BLM: variants seen among roughly 807,000 people sequenced by gnomAD.
The protein encoded by BLM is BLM RecQ like helicase.
A neutral mutation model predicts 135.3 loss-of-function variants in BLM; 95 were observed. The ratio of observed to expected loss-of-function variants is 0.70; its 90% CI spans 0.59 to 0.83. BLM has a LOEUF of 0.83. Among genes scored for constraint, BLM ranks in the 40% least tolerant of loss-of-function variants. BLM has a pLI of 0.00. For synonymous variants in BLM, 520 were observed against 589.2 expected, an observed-to-expected ratio of 0.88 and a Z score of 1.70; for missense variants, 1,518 against 1,663.9, an observed-to-expected ratio of 0.91 and a Z score of 1.53.
intron 3 of BLM, 118 bp downstream of exon 3, chr15:90,750,185 A>G: frequency 8.9e-7 from 1 of 1,129,674 alleles, no homozygotes; most frequent in East Asian, 2.6e-5. Flanking sequence ...TAGGGTCTTT[A>G]GTGGTGCTTT....
intron 1 of BLM, among the ~76,000 whole-genome samples, chr15:90,735,233 G>GT (rs1895178216): frequency 8.8e-5 from 6 of 68,172 alleles, no homozygotes; most frequent in African/African-American, 2.6e-4. Context: ...AAGTGCCTAA[G>GT]TTAATATATA....
rs868525695 is a variant in BLM at position 90,734,677 on chromosome 15, A to G, written c.-4-12712A>G. Among the ~76,000 whole-genome samples the G allele has an allele frequency of 1.5e-4, 19 of 124,146 alleles. No individual in the cohort carries two copies. The East Asian group carries it at 2.6e-3, about 17-fold the overall frequency. The allele number at this position is 124,146 out of a possible 152,430, so 81.4% of individuals were successfully genotyped here. A position where few individuals can be genotyped will look rare whatever the true frequency, so the allele number is the denominator to read the frequency against. On this transcript the variant is annotated intron_variant, in intron 1 of 21. Transcript: ENST00000355112. Reference sequence around the variant, plus strand: ...TACACACACACGCGCGCACGCACGCACACACACACACACACACGCAGAGAG... The same window carrying G: ...TACACACACACGCGCGCACGCACGCGCACACACACACACACACGCAGAGAG...
chr15:90,729,602 T>G lies in BLM; in HGVS notation c.-5+12162T>G, dbSNP rs77158317. Among the ~76,000 whole-genome samples, 865 of 152,314 alleles carry G rather than the reference T, an allele frequency of 5.7e-3. 10 individuals carry two copies. The highest frequency in any genetic ancestry group is 0.041 in the East Asian group (214 of 5,180). ...CTGTCATCTTATTTCCTCTTCCACTTAAAAAGACACTTGTGATTGCATTGG... is the reference window on the plus strand; with the variant it reads ...CTGTCATCTTATTTCCTCTTCCACTGAAAAAGACACTTGTGATTGCATTGG... On this transcript the variant is annotated intron_variant, in intron 1 of 21. Transcript: ENST00000355112.
intron 1 of BLM, among the ~76,000 whole-genome samples, chr15:90,731,114 A>G (rs971974936): frequency 6.6e-6 from 1 of 151,910 alleles, no homozygotes; most frequent in African/African-American, 2.4e-5. Flanking sequence ...TAATTTTTAT[A>G]AATTTTTGTG....
intron 19 of BLM, among the ~76,000 whole-genome samples, chr15:90,806,383 C>T (rs1303340648): frequency 1.3e-5 from 2 of 151,948 alleles, no homozygotes; most frequent in Admixed American, 6.6e-5. Context: ...TGGTGGCGGG[C>T]GCTTGTAATC....
chr15:90,809,048 A>G (rs2151198194), intron 19 of BLM, 89 bp from the exon 20 acceptor site: 1 of 1,565,940 alleles, frequency 6.4e-7, no homozygotes, highest in South Asian at 1.1e-5. Context: ...GGCACTTAGC[A>G]GACGTGTGCT....
intron 1 of BLM, among the ~76,000 whole-genome samples, chr15:90,739,519 C>T (rs140672184): frequency 1.3e-3 from 192 of 152,238 alleles, no homozygotes; most frequent in South Asian, 8.5e-3. Flanking sequence ...GAGGCTGCAG[C>T]GAGCTCTGCA....
chr15:90,803,785 A>G (rs917596686), intron 18 of BLM, 65 bp downstream of exon 18: 2 of 1,481,070 alleles, frequency 1.4e-6, no homozygotes, highest in South Asian at 1.1e-5. Context: ...ATTATTGTGA[A>G]GTATAGTGTC....
chr15:90,783,037 C>T, intron 13 of BLM, 109 bp downstream of exon 13: 1 of 841,124 alleles, frequency 1.2e-6, no homozygotes, highest in Non-Finnish European at 2.0e-6. Context: ...ATTATGACAG[C>T]ACTAACTTGC....
intron 1 of BLM, among the ~76,000 whole-genome samples, chr15:90,724,992 T>G (rs1330997357): frequency 1.3e-5 from 2 of 152,146 alleles, no homozygotes; most frequent in Non-Finnish European, 2.9e-5. Context: ...CACTGCAACC[T>G]CTACCAGCTG....
intron 3 of BLM, among the ~76,000 whole-genome samples, chr15:90,750,994 T>C (rs901871783): frequency 2.6e-5 from 4 of 152,254 alleles, no homozygotes; most frequent in Non-Finnish European, 5.9e-5. Flanking sequence ...TAAGCCTTTC[T>C]ACTGTAATTC....
chr15:90,790,421 A>G (rs1446374565), intron 14 of BLM: 2 of 552,098 alleles, frequency 3.6e-6, no homozygotes, highest in Non-Finnish European at 6.5e-6. Flanking sequence ...AGTGCCTGCC[A>G]TGCTGAGCTT....
intron 5 of BLM, among the ~76,000 whole-genome samples, chr15:90,755,998 T>G (rs1028623976): frequency 6.6e-6 from 1 of 152,188 alleles, no homozygotes; most frequent in Non-Finnish European, 1.5e-5. Context: ...CAATTTATTT[T>G]AGAGATATTC....
intron 1 of BLM, among the ~76,000 whole-genome samples, chr15:90,722,947 T>C (rs1567220812): frequency 6.6e-6 from 1 of 152,096 alleles, no homozygotes; most frequent in Non-Finnish European, 1.5e-5. Flanking sequence ...TTCAAGCAAT[T>C]CTCCTGCCTC....
intron 14 of BLM, among the ~76,000 whole-genome samples, chr15:90,787,326 T>C (rs989836794): frequency 1.3e-5 from 2 of 151,894 alleles, no homozygotes; most frequent in African/African-American, 4.8e-5. Flanking sequence ...ATGCTGGGAT[T>C]ACAGGCGTGA....
chr15:90,734,154 C>G (rs1036088800), intron 1 of BLM, among the ~76,000 whole-genome samples: 1 of 151,978 alleles, frequency 6.6e-6, no homozygotes, highest in Non-Finnish European at 1.5e-5. Context: ...TTAGAATCAT[C>G]AATGTAATTC....
rs751600686 is a variant in BLM at position 90,760,854 on chromosome 15, C to A, written c.1481C>A (p.Thr494Asn). 5 of 1,613,922 alleles carry A rather than the reference C, an allele frequency of 3.1e-6. No homozygotes were observed. In the South Asian group the frequency reaches 5.5e-5, roughly 18 times the overall value. ...CTTTTTGAAAGGCCTTTATTCAATACCCATTTACAGAAGTCCTTTGTAAGT... is the reference window on the plus strand; with the variant it reads ...CTTTTTGAAAGGCCTTTATTCAATAACCATTTACAGAAGTCCTTTGTAAGT... ...KNLFERPLFNTHLQKSFVSSN... is the reference protein window; with the variant it reads ...KNLFERPLFNNHLQKSFVSSN... Residue 494 changes from threonine (T) to asparagine (N), a missense_variant, in exon 7 of 22, where the codon ACC (threonine) becomes AAC (asparagine). Coordinates refer to ENST00000355112, the MANE Select transcript of BLM (RefSeq NM_000057.4).
chr15:90,799,317 A>G (rs1897109816), intron 17 of BLM, among the ~76,000 whole-genome samples: 1 of 152,130 alleles, frequency 6.6e-6, no homozygotes, highest in Non-Finnish European at 1.5e-5. Flanking sequence ...AAATACTTAA[A>G]TAATAATTGA....
intron 17 of BLM, among the ~76,000 whole-genome samples, chr15:90,801,995 G>T (rs1160106397): frequency 2.0e-5 from 3 of 152,080 alleles, no homozygotes; most frequent in Admixed American, 1.3e-4. Context: ...GATCGAGGTG[G>T]CAGTGAGCTG....
Sources: gnomAD v4.1 joint callset for allele counts (sites outside exome capture counted in the v4.1 genomes callset) on GRCh38, gnomAD v4.1.1 for gene constraint, MANE v1.5 for transcripts, NCBI Gene and HGNC (gene_info 2026-07-23, HGNC 2026-07-21) for gene names.